POSTN: variants seen among roughly 807,000 people sequenced by gnomAD.
POSTN encodes the protein osteoblast specific factor 2 (fasciclin I-like).
POSTN carries 71 observed loss-of-function variants against 104.5 expected under a neutral mutation model. That is an observed-to-expected ratio of 0.68 (90% CI 0.56 to 0.83). The LOEUF (loss-of-function observed/expected upper bound fraction) is 0.83. Among genes scored for constraint, POSTN ranks in the 40% least tolerant of loss-of-function variants. The probability of loss-of-function intolerance (pLI) is 0.00; values close to 1 mark genes in which losing one functional copy is unlikely to be tolerated. For missense variants in POSTN, 949 were observed against 1,006.8 expected (o/e 0.94, Z 0.78); for synonymous variants, 355 against 340.7 (o/e 1.04, Z -0.46).
In POSTN at chr13:37,564,558, T is replaced by A; in HGVS notation, c.2434A>T (p.Thr812Ser). ...EEIKRLLQGDTPVRKLQANKK... is the reference protein window; with the variant it reads ...EEIKRLLQGDSPVRKLQANKK... ...TTGGCTTGCAACTTCCTCACGGGTGTGTCTAAAATTAAATTGTTGTAGTTA... is the reference window on the plus strand; with the variant it reads ...TTGGCTTGCAACTTCCTCACGGGTGAGTCTAAAATTAAATTGTTGTAGTTA... The change falls in exon 22 of 23, where the codon ACA becomes TCA. Residue 812 changes from threonine (T) to serine (S), a missense_variant and splice_region_variant. Thr to Ser is a moderately conservative substitution (Grantham distance 58). Coordinates refer to ENST00000379747, the MANE Select transcript of POSTN (RefSeq NM_006475.3). 1 of 1,592,592 alleles carries A rather than the reference T, an allele frequency of 6.3e-7. No homozygotes were observed. The highest frequency in any genetic ancestry group is 8.6e-7 in the Non-Finnish European group (1 of 1,162,952).
At chr13:37,571,507 A>G (rs1163010530) in intron 17 of POSTN, 49 bp from the exon 18 acceptor site, 2 of 1,368,526 alleles carry the variant, frequency 1.5e-6, no homozygotes, top group Non-Finnish European at 2.1e-6. Flanking sequence ...ACAGTCCTTT[A>G]AATTTACCGG....
At chr13:37,564,361 G>C (rs1234133984) in intron 22 of POSTN, among the ~76,000 whole-genome samples, 158 bp downstream of exon 22, 1 of 150,822 alleles carries the variant, frequency 6.6e-6, no homozygotes, top group African/African-American at 2.4e-5. Flanking sequence ...TTTATTTTCT[G>C]ATTGTTATCA....
intron 17 of POSTN, among the ~76,000 whole-genome samples, chr13:37,574,321 G>A (rs189955745): frequency 6.6e-6 from 1 of 151,710 alleles, no homozygotes. Flanking sequence ...CTAAGTTAAT[G>A]CAATGCCAAT....
At chr13:37,574,265 C>A (rs1950341725) in intron 17 of POSTN, among the ~76,000 whole-genome samples, 1 of 150,988 alleles carries the variant, frequency 6.6e-6, no homozygotes, top group Non-Finnish European at 1.5e-5. Context: ...AGGAGTCTGA[C>A]TAAAGTAAAA....
chr13:37,572,626 T>C (rs914864856), intron 17 of POSTN, among the ~76,000 whole-genome samples: 7 of 151,594 alleles, frequency 4.6e-5, no homozygotes, highest in Non-Finnish European at 7.4e-5. Flanking sequence ...CTCAAAATTG[T>C]TTTCCTATTT....
chr13:37,598,414 G>C (rs2138429349), intron 1 of POSTN, among the ~76,000 whole-genome samples, 194 bp downstream of exon 1: 1 of 152,140 alleles, frequency 6.6e-6, no homozygotes, highest in South Asian at 2.1e-4. Flanking sequence ...GGTATTTAGA[G>C]AGCAATTAAG....
chr13:37,570,890 C>T, intron 18 of POSTN: 1 of 456,716 alleles, frequency 2.2e-6, no homozygotes, highest in Admixed American at 3.6e-5. Flanking sequence ...GGCCATTTGA[C>T]ATCCTAACTC....
At chr13:37,564,745 G>T in intron 21 of POSTN, 185 bp from the exon 22 acceptor site, 3 of 425,162 alleles carry the variant, frequency 7.1e-6, no homozygotes, top group Non-Finnish European at 1.3e-5. Context: ...CAAGTAGACA[G>T]ACAGTGTTTT....
chr13:37,577,855 C>G (rs1950459506), intron 15 of POSTN, 57 bp from the exon 16 acceptor site: 4 of 1,605,600 alleles, frequency 2.5e-6, no homozygotes, highest in Non-Finnish European at 3.4e-6. Context: ...GTTAACAAAA[C>G]CATGGCACCA....
chr13:37,569,141 A>G (rs1478880362), intron 21 of POSTN, 159 bp downstream of exon 21: 1 of 526,724 alleles, frequency 1.9e-6, no homozygotes, highest in Non-Finnish European at 3.4e-6. Flanking sequence ...CATAACTATT[A>G]ACTACCATTG....
chr13:37,577,723 C>T (rs755024974), intron 16 of POSTN, 30 bp downstream of exon 16: 3 of 1,601,878 alleles, frequency 1.9e-6, no homozygotes, highest in Middle Eastern at 1.7e-4. Context: ...ACCTTGCCAC[C>T]CAGGTGGCCA....
At position 37,578,911 on chromosome 13, in the gene POSTN, T is replaced by C. The variant is rs1593333287; in HGVS notation, c.1895A>G (p.Asp632Gly). ...CAGTTGATCATTTCCAACAGGTGTGTCTATGAAGAGAAATATTAAATGAAT... is the reference window on the plus strand; with the variant it reads ...CAGTTGATCATTTCCAACAGGTGTGCCTATGAAGAGAAATATTAAATGAAT... ...HVVDKLLYPADTPVGNDQLLE... is the reference protein window; with the variant it reads ...HVVDKLLYPAGTPVGNDQLLE... Residue 632 changes from aspartate (D) to glycine (G), a missense_variant and splice_region_variant, in exon 15 of 23, where the codon GAC (aspartate) becomes GGC (glycine). Transcript: ENST00000379747. 1.3e-6 allele frequency: 2 copies of C among 1,596,852 alleles called. No homozygotes were observed. Among genetic ancestry groups the C allele is most frequent in the East Asian group, 4.5e-5 (2 of 44,680 alleles).
chr13:37,577,684 C>G, intron 16 of POSTN, 69 bp downstream of exon 16: 1 of 1,566,956 alleles, frequency 6.4e-7, no homozygotes, highest in Non-Finnish European at 8.6e-7. Context: ...TCTGTAAATA[C>G]AAAGAAATGT....
At position 37,563,366 on chromosome 13, in the gene POSTN, A is replaced by G. The variant is rs1030612497; in HGVS notation, c.2478T>C (p.Ser826=). Residue 826 remains serine, a synonymous_variant, in exon 23 of 23, where the codon TCT becomes TCC. Coordinates refer to ENST00000379747, the MANE Select transcript of POSTN (RefSeq NM_006475.3). Reference sequence around the variant, plus strand: ...AACGACCTTCCCTTAATCGTCTTCTAGATCCTAATTAGAAAGAAAGGAGAA... The same window carrying G: ...AACGACCTTCCCTTAATCGTCTTCTGGATCCTAATTAGAAAGAAAGGAGAA... ...KLQANKKVQG[S]RRRLREGRSQ is the part of the protein sequence containing the mutation. 7 of 1,581,346 alleles carry G rather than the reference A, an allele frequency of 4.4e-6. No individual in the cohort carries two copies. In the African/African-American group the frequency reaches 8.1e-5, roughly 18 times the overall value.
chr13:37,573,653 C>G (rs1340192983), intron 17 of POSTN, among the ~76,000 whole-genome samples: 1 of 151,478 alleles, frequency 6.6e-6, no homozygotes, highest in East Asian at 1.9e-4. Context: ...AAGATTCCAT[C>G]AAAGATATAA....
intron 17 of POSTN, 23 bp from the exon 18 acceptor site, chr13:37,571,481 A>C: frequency 6.6e-7 from 1 of 1,517,312 alleles, no homozygotes; most frequent in Non-Finnish European, 9.1e-7. Context: ...TTTAGGAGAC[A>C]AATTATCATG....
intron 11 of POSTN, 98 bp downstream of exon 11, chr13:37,580,463 A>G (rs1950546393): frequency 7.6e-7 from 1 of 1,310,438 alleles, no homozygotes; most frequent in Non-Finnish European, 1.1e-6. Flanking sequence ...TCCATTTTCA[A>G]CCACATAGGA....
chr13:37,563,875 G>A (rs1950001024), intron 22 of POSTN, among the ~76,000 whole-genome samples: 1 of 151,874 alleles, frequency 6.6e-6, no homozygotes, highest in Non-Finnish European at 1.5e-5. Flanking sequence ...TAACTTAAGT[G>A]GAGGAATTAG....
chr13:37,576,539 G>T (rs919995864), intron 16 of POSTN, among the ~76,000 whole-genome samples: 1 of 151,980 alleles, frequency 6.6e-6, no homozygotes, highest in Non-Finnish European at 1.5e-5. Flanking sequence ...CACATATATA[G>T]AAAGTAGTGA....
Sources: gnomAD v4.1 joint callset for allele counts (sites outside exome capture counted in the v4.1 genomes callset) on GRCh38, gnomAD v4.1.1 for gene constraint, MANE v1.5 for transcripts, NCBI Gene and HGNC (gene_info 2026-07-23, HGNC 2026-07-21) for gene names.